The following AP2B1 variants were observed in gnomAD, a reference collection of about 807,000 sequenced individuals.
The protein encoded by AP2B1 is adaptor related protein complex 2 subunit beta 1.
In AP2B1, 23 loss-of-function variants were observed where a neutral mutation model predicts 102.0. That is an observed-to-expected ratio of 0.23 (90% CI 0.16 to 0.32). The LOEUF (loss-of-function observed/expected upper bound fraction) is 0.32, where lower values mean the gene tolerates loss of function less well. Ranked by LOEUF, AP2B1 falls within the 10% of genes least tolerant of loss-of-function variation. The pLI is 1.00. For synonymous variants in AP2B1, 381 were observed against 421.2 expected, an observed-to-expected ratio of 0.90 and a Z score of 1.17; for missense variants, 541 against 1,157.4, an observed-to-expected ratio of 0.47 and a Z score of 7.73.
chr17:35,624,341 TTG>T, intron 5 of AP2B1, 54 bp from the exon 6 acceptor site: 1 of 1,515,722 alleles, frequency 6.6e-7, no homozygotes, highest in Non-Finnish European at 9.0e-7. Flanking sequence ...GATGAAGTGT[TTG>T]TCTATAGCTG....
chr17:35,680,685 GGTTTTTTTTTTTTT>G (rs1429491331), intron 17 of AP2B1, among the ~76,000 whole-genome samples: 2 of 41,640 alleles, frequency 4.8e-5, no homozygotes, highest in Non-Finnish European at 8.5e-5. Context: ...CTATGGTTTT[GGTTTTTTTTTTTTT>G]GTTTTTTTTT....
intron 11 of AP2B1, among the ~76,000 whole-genome samples, chr17:35,640,531 C>T (rs1166839719): frequency 3.5e-4 from 53 of 152,188 alleles, no homozygotes; most frequent in Non-Finnish European, 4.4e-5. Context: ...AGCCACCTTG[C>T]CTGGCCAGTT....
intron 20 of AP2B1, 63 bp from the exon 21 acceptor site, chr17:35,717,132 A>C: frequency 6.4e-7 from 1 of 1,561,138 alleles, no homozygotes; most frequent in Non-Finnish European, 8.8e-7. Context: ...GGATGTGAGA[A>C]GAGAGTGTAC....
intron 18 of AP2B1, among the ~76,000 whole-genome samples, chr17:35,689,039 C>T (rs1321767875): frequency 6.6e-6 from 1 of 152,156 alleles, no homozygotes; most frequent in African/African-American, 2.4e-5. Context: ...AATAGTATAA[C>T]GAGCCCCTGT....
chr17:35,625,678 A>G (rs1192649300), intron 6 of AP2B1, among the ~76,000 whole-genome samples: 1 of 151,712 alleles, frequency 6.6e-6, no homozygotes, highest in East Asian at 1.9e-4. Flanking sequence ...ATGTATAGAT[A>G]GTGTAATATG....
Position 35,616,142 on chromosome 17 carries a change from CTTTTTTTTTTTTTTTTTTTTTTTTT to C in AP2B1, c.525+7770_525+7794del, listed in dbSNP as rs71152739. ...TGAACTTAGGTTTTAAAAAATATCT[CTTTTTTTTTTTTTTTTTTTTTTTTT>C]TTTTTTTTTTTTTTGGAGACGGAGT... On this transcript the variant is annotated intron_variant, in intron 5 of 21. Coordinates refer to ENST00000610402, the MANE Select transcript of AP2B1 (RefSeq NM_001030006.2). Among the ~76,000 whole-genome samples the C allele has an allele frequency of 1.6e-3, 94 of 57,438 alleles. 3 individuals carry two copies. In the South Asian group the frequency reaches 0.069, roughly 42 times the overall value. 37.7% of individuals were successfully genotyped at this position (57,438 alleles called of 152,430 possible).
At chr17:35,614,498 G>T (rs750456455) in intron 5 of AP2B1, among the ~76,000 whole-genome samples, 10 of 151,880 alleles carry the variant, frequency 6.6e-5, no homozygotes, top group Non-Finnish European at 1.3e-4. Context: ...CCTGCTTTTT[G>T]TCTTCTTGGG....
intron 18 of AP2B1, among the ~76,000 whole-genome samples, chr17:35,705,011 A>C (rs2076312904): frequency 6.6e-6 from 1 of 152,220 alleles, no homozygotes; most frequent in Non-Finnish European, 1.5e-5. Context: ...AGCTTGGGTG[A>C]CAGAGCCAGA....
At chr17:35,664,957 T>C (rs1483609963) in intron 14 of AP2B1, among the ~76,000 whole-genome samples, 1 of 152,094 alleles carries the variant, frequency 6.6e-6, no homozygotes, top group African/African-American at 2.4e-5. Context: ...ATAGAAGCCT[T>C]TTCCCCCCTC....
intron 14 of AP2B1, among the ~76,000 whole-genome samples, chr17:35,669,381 A>G (rs1401090794): frequency 6.6e-6 from 1 of 152,140 alleles, no homozygotes; most frequent in African/African-American, 2.4e-5. Flanking sequence ...TGACCTCATG[A>G]TCCGCTCACC....
chr17:35,633,358 A>G (rs1033368010), intron 9 of AP2B1, among the ~76,000 whole-genome samples: 10 of 37,242 alleles, frequency 2.7e-4, no homozygotes, highest in African/African-American at 8.5e-4. Context: ...ACTGTGTCTC[A>G]AAAAAAAAAA....
intron 14 of AP2B1, among the ~76,000 whole-genome samples, chr17:35,669,772 C>T (rs1046989784): frequency 6.6e-6 from 1 of 152,164 alleles, no homozygotes; most frequent in Non-Finnish European, 1.5e-5. Flanking sequence ...ATAATTTTTA[C>T]AGCTCAACGA....
chr17:35,615,018 G>A (rs1369235631), intron 5 of AP2B1, among the ~76,000 whole-genome samples: 2 of 152,014 alleles, frequency 1.3e-5, no homozygotes, highest in Non-Finnish European at 2.9e-5. Context: ...GGCATATATC[G>A]GGTAGAGTCC....
chr17:35,596,910 A>T (rs2142320336), intron 2 of AP2B1: 2 of 707,164 alleles, frequency 2.8e-6, no homozygotes, highest in Non-Finnish European at 5.3e-6. Context: ...TGCATGAAGG[A>T]GATAACCCCG....
chr17:35,706,036 T>G (rs896184011), intron 18 of AP2B1, among the ~76,000 whole-genome samples: 1 of 152,232 alleles, frequency 6.6e-6, no homozygotes, highest in Non-Finnish European at 1.5e-5. Context: ...GTCCATGCTG[T>G]GAACCTCTGT....
chr17:35,713,764 G>C (rs1248514351), intron 20 of AP2B1: 69 of 152,194 alleles, frequency 4.5e-4, no homozygotes, highest in Admixed American at 4.5e-3. Context: ...CTCTTCCCAA[G>C]TCTTAATAAT....
At chr17:35,685,446 T>C (rs1353937573) in intron 18 of AP2B1, among the ~76,000 whole-genome samples, 3 of 152,238 alleles carry the variant, frequency 2.0e-5, no homozygotes, top group Non-Finnish European at 4.4e-5. Flanking sequence ...AAGATTGATC[T>C]AGCTTTTAAA....
At chr17:35,649,964 T>A (rs547459410) in intron 12 of AP2B1, among the ~76,000 whole-genome samples, 4 of 152,032 alleles carry the variant, frequency 2.6e-5, no homozygotes, top group African/African-American at 4.8e-5. Context: ...TATTATTATT[T>A]TTTGAGACAG....
At chr17:35,590,938 G>A (rs572329945) in intron 1 of AP2B1, among the ~76,000 whole-genome samples, 1 of 152,182 alleles carries the variant, frequency 6.6e-6, no homozygotes, top group South Asian at 2.1e-4. Context: ...ACTTTGGGAG[G>A]CCGAGGTGGA....
Sources: gnomAD v4.1 joint callset for allele counts (sites outside exome capture counted in the v4.1 genomes callset) on GRCh38, gnomAD v4.1.1 for gene constraint, MANE v1.5 for transcripts, NCBI Gene and HGNC (gene_info 2026-07-23, HGNC 2026-07-21) for gene names.